GOLGA4: variants seen among roughly 807,000 people sequenced by gnomAD.
GOLGA4 encodes the protein golgin A4, also known as golgin subfamily A member 4.
GOLGA4 carries 169 observed loss-of-function variants against 265.9 expected under a neutral mutation model. The ratio of observed to expected loss-of-function variants is 0.64; its 90% CI spans 0.56 to 0.72. GOLGA4 has a LOEUF of 0.72. GOLGA4 is among the 30% of genes least tolerant of loss of function. The pLI, the probability that GOLGA4 is intolerant of heterozygous loss-of-function variation, is 0.00. For synonymous variants in GOLGA4, 923 were observed against 855.8 expected, an observed-to-expected ratio of 1.08 and a Z score of -1.37; for missense variants, 2,482 against 2,483.4, an observed-to-expected ratio of 1.00 and a Z score of 0.01.
In GOLGA4 at chr3:37,329,067, G is replaced by C; in HGVS notation, c.6166G>C (p.Ala2056Pro). The C allele has an allele frequency of 6.2e-7, 1 of 1,608,416 alleles. No homozygotes were observed. The highest frequency in any genetic ancestry group is 8.5e-7 in the Non-Finnish European group (1 of 1,177,724). ...GAAAGATGATGATCTAAAACGAACAGCCAAAAGATATGAAGAAATCCTTGA... is the reference window on the plus strand; with the variant it reads ...GAAAGATGATGATCTAAAACGAACACCCAAAAGATATGAAGAAATCCTTGA... ...AEKDDDLKRT[A>P]KRYEEILDAR... The change falls in exon 16 of 24, where the codon GCC (alanine) becomes CCC (proline). Residue 2056 changes from alanine to proline, a missense_variant. Transcript: ENST00000361924.
chr3:37,243,493 C>A lies in GOLGA4; in HGVS notation c.-58C>A. 6.6e-7 allele frequency: 1 copy of A among 1,506,496 alleles called. No individual in the cohort carries two copies. Among genetic ancestry groups the A allele is most frequent in the Non-Finnish European group, 9.2e-7 (1 of 1,082,292 alleles). 93.3% of individuals were successfully genotyped at this position (1,506,496 alleles called of 1,614,324 possible). On this transcript the variant is annotated 5_prime_UTR_variant, in exon 1 of 24. Coordinates refer to ENST00000361924, the MANE Select transcript of GOLGA4 (RefSeq NM_002078.5). ...CGCCGTAGCCGTCGCGGCCGGGACTCCCCGGGCTCTCGCCCTTCAGGTTTC... is the reference window on the plus strand; with the variant it reads ...CGCCGTAGCCGTCGCGGCCGGGACTACCCGGGCTCTCGCCCTTCAGGTTTC...
intron 2 of GOLGA4, among the ~76,000 whole-genome samples, chr3:37,269,881 G>A (rs1488449141): frequency 6.9e-6 from 1 of 145,832 alleles, no homozygotes; most frequent in Non-Finnish European, 1.5e-5. Flanking sequence ...CAATTGTAGG[G>A]TAGCTTTTTT....
chr3:37,247,438 T>C (rs886527775), intron 1 of GOLGA4, among the ~76,000 whole-genome samples: 1 of 152,200 alleles, frequency 6.6e-6, no homozygotes, highest in African/African-American at 2.4e-5. Context: ...CAGGGTGTTG[T>C]AGTTGTGCAA....
intron 2 of GOLGA4, among the ~76,000 whole-genome samples, chr3:37,269,967 C>T (rs1049594069): frequency 8.5e-5 from 12 of 140,480 alleles, no homozygotes; most frequent in Admixed American, 8.2e-4. Flanking sequence ...GATCTCAGCT[C>T]ACTGCAATCT....
In GOLGA4 at chr3:37,328,483, A is replaced by G; in HGVS notation, c.6007A>G (p.Thr2003Ala). ...AAAACAGCTGATGAGGGAGTTTAAT[A>G]CACAGCTGGCACAAAAGGAACAAGA... ...TLKQLMREFN[T>A]QLAQKEQELE... Residue 2003 changes from threonine to alanine, a missense_variant, in exon 15 of 24, where the codon ACA becomes GCA. Physicochemically the swap from Thr to Ala is moderately conservative, Grantham distance 58. This residue lies in a region of GOLGA4 where 942 missense variants were observed against 983.1 expected (regional missense o/e 0.96). Coordinates refer to ENST00000361924, the MANE Select transcript of GOLGA4 (RefSeq NM_002078.5). 1 of 1,612,844 alleles carries G rather than the reference A, an allele frequency of 6.2e-7. No individual in the cohort carries two copies. Among genetic ancestry groups the G allele is most frequent in the Non-Finnish European group, 8.5e-7 (1 of 1,178,948 alleles).
Position 37,325,711 on chromosome 3 carries a change from A to G in GOLGA4, c.3825A>G (p.Glu1275=). The change falls in exon 14 of 24, where the codon GAA becomes GAG. Residue 1275 remains glutamate, a synonymous_variant. Transcript: ENST00000361924. ...LIKTCTVSEL[E]AQLRQLTEEQ... The stretch of plus-strand genomic sequence containing the variant: ...AAACTTGCACAGTTTCTGAATTAGA[A>G]GCACAACTTAGACAGTTGACAGAGG... The G allele has an allele frequency of 6.2e-7, 1 of 1,613,556 alleles. No individual in the cohort carries two copies. Among genetic ancestry groups the G allele is most frequent in the Non-Finnish European group, 8.5e-7 (1 of 1,179,468 alleles).
At chr3:37,246,243 G>T (rs2096719166) in intron 1 of GOLGA4, among the ~76,000 whole-genome samples, 1 of 151,210 alleles carries the variant, frequency 6.6e-6, no homozygotes, top group South Asian at 2.1e-4. Context: ...GGAGGCAGAG[G>T]TTGCAATGAA....
intron 2 of GOLGA4, among the ~76,000 whole-genome samples, chr3:37,259,944 T>A (rs1033554273): frequency 6.6e-6 from 1 of 152,194 alleles, no homozygotes; most frequent in African/African-American, 2.4e-5. Context: ...GGTCTTGAAT[T>A]TGATCAACAT....
intron 19 of GOLGA4, among the ~76,000 whole-genome samples, chr3:37,338,311 A>G (rs1445707059): frequency 6.6e-6 from 1 of 152,218 alleles, no homozygotes; most frequent in African/African-American, 2.4e-5. Context: ...TAAAATTCAT[A>G]CAGACAAAAA....
chr3:37,326,851 G>T lies in GOLGA4; in HGVS notation c.4965G>T (p.Leu1655Phe). The T allele has an allele frequency of 6.2e-7, 1 of 1,613,606 alleles. No homozygotes were observed. The highest frequency in any genetic ancestry group is 8.5e-7 in the Non-Finnish European group (1 of 1,179,808). The change falls in exon 14 of 24, where the codon TTG becomes TTT. Residue 1655 changes from leucine (L) to phenylalanine (F), a missense_variant. Coordinates refer to ENST00000361924, the MANE Select transcript of GOLGA4 (RefSeq NM_002078.5). The part of the protein sequence containing the change: ...EQKIAAIKKQ[L>F]LSQMEEKEEQ... ...AAATTGCTGCCATTAAGAAGCAGTT[G>T]TTATCTCAAATGGAAGAGAAAGAAG...
At chr3:37,303,856 C>G (rs1398099024) in intron 10 of GOLGA4, among the ~76,000 whole-genome samples, 1 of 152,148 alleles carries the variant, frequency 6.6e-6, no homozygotes, top group East Asian at 1.9e-4. Flanking sequence ...ATGCTCTGCT[C>G]TAAGGGCTTT....
intron 17 of GOLGA4, 94 bp from the exon 18 acceptor site, chr3:37,337,049 C>T: frequency 2.4e-6 from 2 of 818,478 alleles, no homozygotes; most frequent in Non-Finnish European, 4.0e-6. Context: ...TTAACCCTGA[C>T]TTCCTTTTTC....
intron 2 of GOLGA4, among the ~76,000 whole-genome samples, chr3:37,277,886 C>T (rs2096823733): frequency 4.6e-5 from 7 of 152,028 alleles, no homozygotes; most frequent in Admixed American, 3.9e-4. Context: ...GCTTTGCACT[C>T]TCCTTTGCTC....
At position 37,243,628 on chromosome 3, in the gene GOLGA4, A is replaced by T; in HGVS notation, c.72+6A>T. 6.2e-7 allele frequency: 1 copy of T among 1,608,552 alleles called. No individual in the cohort carries two copies. Among genetic ancestry groups the T allele is most frequent in the Non-Finnish European group, 8.5e-7 (1 of 1,176,774 alleles). On this transcript the variant is annotated splice_donor_region_variant and intron_variant, in intron 1 of 23. Transcript: ENST00000361924. ...AGGCGCTGGCTCCTGCTCAGGTACG[A>T]TGGCCGCCGCTCTCCTCCCCTGGTT...
intron 1 of GOLGA4, chr3:37,245,174 T>C (rs979226075): frequency 8.5e-5 from 13 of 152,776 alleles, no homozygotes; most frequent in African/African-American, 2.6e-4. Flanking sequence ...TAGGTTATTA[T>C]GCAGCCATAA....
At chr3:37,352,627 T>C (rs1158275332) in intron 21 of GOLGA4, among the ~76,000 whole-genome samples, 2 of 152,096 alleles carry the variant, frequency 1.3e-5, no homozygotes. Context: ...TTCTACGGCT[T>C]TGTCACTTCC....
chr3:37,357,024 A>G (rs1197163199), intron 22 of GOLGA4, among the ~76,000 whole-genome samples: 1 of 152,166 alleles, frequency 6.6e-6, no homozygotes, highest in South Asian at 2.1e-4. Flanking sequence ...AACAAATCGA[A>G]TTGGTAAATG....
chr3:37,298,952 T>C lies in GOLGA4; in HGVS notation c.934T>C (p.Leu312=). 1 of 1,609,282 alleles carries C rather than the reference T, an allele frequency of 6.2e-7. No individual in the cohort carries two copies. The highest frequency in any genetic ancestry group is 8.5e-7 in the Non-Finnish European group (1 of 1,178,160). ...IQSHKEQCTL[L]TSEKEALQEQ... ...GTCACATAAGGAACAATGTACACTA[T>C]TAACTAGTGAAAAAGAAGCTCTGCA... Residue 312 remains leucine, a synonymous_variant, in exon 8 of 24, where the codon TTA becomes CTA. Transcript: ENST00000361924.
At chr3:37,292,027 G>C (rs1288822688) in intron 5 of GOLGA4, among the ~76,000 whole-genome samples, 1 of 152,176 alleles carries the variant, frequency 6.6e-6, no homozygotes, top group African/African-American at 2.4e-5. Context: ...TGGCAGAATA[G>C]TGTATAGGTA....
Sources: allele counts gnomAD v4.1 joint callset (sites outside exome capture counted in the v4.1 genomes callset), GRCh38; gene constraint gnomAD v4.1.1; regional missense constraint gnomAD v4.1.1; transcripts MANE v1.5; gene names NCBI Gene and HGNC (gene_info 2026-07-23, HGNC 2026-07-21).